The following C1orf198 variants were observed in gnomAD, a reference collection of about 807,000 sequenced individuals.
The protein encoded by C1orf198 is chromosome 1 open reading frame 198, also known as uncharacterized protein C1orf198.
Under a neutral mutation model 31.4 loss-of-function variants are expected in C1orf198, and 17 were observed. The ratio of observed to expected loss-of-function variants is 0.54; its 90% CI spans 0.37 to 0.81. The LOEUF (loss-of-function observed/expected upper bound fraction) is 0.81. Ranked by LOEUF, C1orf198 falls within the 40% of genes least tolerant of loss-of-function variation. The pLI, the probability that C1orf198 is intolerant of heterozygous loss-of-function variation, is 0.00. For synonymous variants in C1orf198, 175 were observed against 193.8 expected, an observed-to-expected ratio of 0.90 and a Z score of 0.81; for missense variants, 401 against 450.3, an observed-to-expected ratio of 0.89 and a Z score of 0.99.
chr1:230,851,888 G>A (rs1669755284), intron 2 of C1orf198, among the ~76,000 whole-genome samples: 2 of 152,250 alleles, frequency 1.3e-5, no homozygotes, highest in Non-Finnish European at 2.9e-5. Context: ...TTCTGTGGAG[G>A]TGGAATGGTC....
chr1:230,865,635 G>A (rs1412881005), intron 1 of C1orf198, among the ~76,000 whole-genome samples: 1 of 152,176 alleles, frequency 6.6e-6, no homozygotes, highest in African/African-American at 2.4e-5. Flanking sequence ...GGGCCATCTG[G>A]GCCTCAGGCC....
intron 2 of C1orf198, among the ~76,000 whole-genome samples, chr1:230,853,479 A>T (rs1366410710): frequency 6.6e-6 from 1 of 152,072 alleles, no homozygotes; most frequent in Non-Finnish European, 1.5e-5. Context: ...GGAATGAGTG[A>T]TGGGCTTTTT....
rs1297403578 is a variant in C1orf198 at position 230,868,231 on chromosome 1, G to A, written c.282C>T (p.Phe94=). 6 of 1,548,302 alleles carry A rather than the reference G, an allele frequency of 3.9e-6. No homozygotes were observed. In the African/African-American group the frequency reaches 4.3e-5, roughly 11 times the overall value. Reference sequence around the variant, plus strand: ...GGCCCGTGGGCCCGCGCAAGCCGGGGAAGCGCGTGAGCTCCTCCGAGTCCC... The same window carrying A: ...GGCCCGTGGGCCCGCGCAAGCCGGGAAAGCGCGTGAGCTCCTCCGAGTCCC... ...DPGDSEELTR[F]PGLRGPTGQK... Residue 94 remains phenylalanine, a synonymous_variant, in exon 1 of 4, where the codon TTC becomes TTT. Transcript: ENST00000366663.
rs1159839867 is a variant in C1orf198, at chr1:230,837,392, C to T, written c.*2460G>A. The T allele has an allele frequency of 6.6e-6, 1 of 152,218 alleles. No individual in the cohort carries two copies. Among genetic ancestry groups the T allele is most frequent in the East Asian group, 1.9e-4 (1 of 5,170 alleles). 9.4% of individuals were successfully genotyped at this position (152,218 alleles called of 1,614,324 possible). Reference sequence around the variant, plus strand: ...GCTGGTTGCTGATTTCTTGGGGGAACTTTTGTAAAAATGAAGACACTGAAT... The same window carrying T: ...GCTGGTTGCTGATTTCTTGGGGGAATTTTTGTAAAAATGAAGACACTGAAT... On this transcript the variant is annotated 3_prime_UTR_variant, in exon 4 of 4. Coordinates refer to ENST00000366663, the MANE Select transcript of C1orf198 (RefSeq NM_032800.3).
At position 230,838,185 on chromosome 1, in the gene C1orf198, T is replaced by C. The variant is rs1018427795; in HGVS notation, c.*1667A>G. The C allele has an allele frequency of 6.6e-6, 1 of 152,288 alleles. No individual in the cohort carries two copies. The highest frequency in any genetic ancestry group is 1.5e-5 in the Non-Finnish European group (1 of 68,060). The allele number at this position is 152,288 out of a possible 1,614,324, so 9.4% of individuals were successfully genotyped here. On this transcript the variant is annotated 3_prime_UTR_variant, in exon 4 of 4. Coordinates refer to ENST00000366663, the MANE Select transcript of C1orf198 (RefSeq NM_032800.3). This position sits in a 1 kb window ranked among gnomAD's most constrained non-coding sequence, Gnocchi z 4.2. ...CCCAGGCTGTGCCAACTGGGATTTCTAAGCTCCTTTTTCCCTCACCACCAT... is the reference window on the plus strand; with the variant it reads ...CCCAGGCTGTGCCAACTGGGATTTCCAAGCTCCTTTTTCCCTCACCACCAT...
chr1:230,850,716 A>G (rs985815318), intron 2 of C1orf198, among the ~76,000 whole-genome samples: 4 of 151,846 alleles, frequency 2.6e-5, no homozygotes, highest in African/African-American at 9.7e-5. Flanking sequence ...CTGGGCAGAG[A>G]TGGGGGTCTC....
At chr1:230,844,429 G>A (rs982420494) in intron 2 of C1orf198, among the ~76,000 whole-genome samples, 2 of 152,040 alleles carry the variant, frequency 1.3e-5, no homozygotes, top group African/African-American at 2.4e-5. Flanking sequence ...AGCAGATGCC[G>A]ATGCCATGTT....
chr1:230,846,326 A>T (rs1002099607), intron 2 of C1orf198, among the ~76,000 whole-genome samples: 4 of 152,250 alleles, frequency 2.6e-5, no homozygotes, highest in Non-Finnish European at 5.9e-5. Context: ...AACTTAAGAT[A>T]CAAAACATGG....
At chr1:230,861,528 T>G (rs1416005382) in intron 1 of C1orf198, among the ~76,000 whole-genome samples, 3 of 152,212 alleles carry the variant, frequency 2.0e-5, no homozygotes, top group Non-Finnish European at 4.4e-5. Flanking sequence ...TGCCCAGATA[T>G]GCATCCCGTG....
intron 2 of C1orf198, among the ~76,000 whole-genome samples, chr1:230,845,563 T>C (rs1202556): frequency 0.27 from 40,544 of 151,664 alleles, 6,145 homozygotes; most frequent in Middle Eastern, 0.46. Context: ...GAGCCTGTAA[T>C]CCCATCTACT....
chr1:230,844,191 T>C (rs1405347846), intron 2 of C1orf198, among the ~76,000 whole-genome samples: 3 of 152,078 alleles, frequency 2.0e-5, no homozygotes, highest in African/African-American at 7.2e-5. Flanking sequence ...AGGTGAGGCC[T>C]CGTGGGAGGT....
intron 1 of C1orf198, among the ~76,000 whole-genome samples, chr1:230,860,613 GA>G (rs1239635090): frequency 6.6e-6 from 1 of 152,146 alleles, no homozygotes; most frequent in African/African-American, 2.4e-5. Context: ...CAGACACAAG[GA>G]TAAAAATCAT....
intron 1 of C1orf198, among the ~76,000 whole-genome samples, chr1:230,865,178 A>AC: frequency 6.6e-6 from 1 of 152,314 alleles, no homozygotes; most frequent in African/African-American, 2.4e-5. Context: ...GACTTCACAG[A>AC]GAGGCAAACT....
chr1:230,843,666 G>A lies in C1orf198; in HGVS notation c.615C>T (p.Ala205=), dbSNP rs758911473. The change falls in exon 3 of 4, where the codon GCC becomes GCT. Residue 205 remains alanine (A), a synonymous_variant. Transcript: ENST00000366663. The surrounding 1 kb of genome is among the most constrained non-coding windows in gnomAD (Gnocchi z 4.9). ...AERSRGEGPE[A]EFQSLTPSQI... ...GGCTAGGGGTCAGCGACTGGAACTC[G>A]GCCTCAGGCCCCTCCCCTCGGGACC... 19 of 1,614,172 alleles carry A rather than the reference G, an allele frequency of 1.2e-5. No homozygotes were observed. Among genetic ancestry groups the A allele is most frequent in the Admixed American group, 5.0e-5 (3 of 60,022 alleles).
intron 1 of C1orf198, among the ~76,000 whole-genome samples, chr1:230,862,986 TA>T (rs953595368): frequency 6.6e-6 from 1 of 152,222 alleles, no homozygotes; most frequent in African/African-American, 2.4e-5. Flanking sequence ...AAAATTGCTC[TA>T]AAAAATTAAG....
chr1:230,856,493 C>T (rs1286953803), intron 1 of C1orf198, among the ~76,000 whole-genome samples: 2 of 152,134 alleles, frequency 1.3e-5, no homozygotes, highest in East Asian at 1.9e-4. Flanking sequence ...ACCCTCTACC[C>T]GCAGTTATTC....
chr1:230,860,955 T>C (rs1002819256), intron 1 of C1orf198, among the ~76,000 whole-genome samples: 1 of 152,148 alleles, frequency 6.6e-6, no homozygotes, highest in African/African-American at 2.4e-5. Context: ...TATTATTAAG[T>C]GGAAGAAGCC....
At chr1:230,847,017 G>T (rs1211733098) in intron 2 of C1orf198, among the ~76,000 whole-genome samples, 1 of 149,074 alleles carries the variant, frequency 6.7e-6, no homozygotes, top group African/African-American at 2.5e-5. Context: ...GCAGGAGAAT[G>T]GCGTGAACCC....
Position 230,839,525 on chromosome 1 carries a change from C to T in C1orf198, c.*327G>A, listed in dbSNP as rs896651110. 1 of 252,388 alleles carries T rather than the reference C, an allele frequency of 4.0e-6. No individual in the cohort carries two copies. Among genetic ancestry groups the T allele is most frequent in the Non-Finnish European group, 7.4e-6 (1 of 135,200 alleles). 15.6% of individuals were successfully genotyped at this position (252,388 alleles called of 1,614,324 possible). ...GAAATCACTTATATGATTTTTGTGA[C>T]ATGGTTGAAACACATCCTTTGAGGA... On this transcript the variant is annotated 3_prime_UTR_variant, in exon 4 of 4. Coordinates refer to ENST00000366663, the MANE Select transcript of C1orf198 (RefSeq NM_032800.3).
Sources: gnomAD v4.1 joint callset for allele counts (sites outside exome capture counted in the v4.1 genomes callset) on GRCh38, gnomAD v4.1.1 for gene constraint, Gnocchi (gnomAD v3.1) non-coding constraint, MANE v1.5 for transcripts, NCBI Gene and HGNC (gene_info 2026-07-23, HGNC 2026-07-21) for gene names.